POU6F2: variants seen among roughly 807,000 people sequenced by gnomAD.
POU6F2 encodes POU class 6 homeobox 2.
Under a neutral mutation model 71.3 loss-of-function variants are expected in POU6F2, and 31 were observed. The observed-to-expected ratio is 0.43, with a 90% CI of 0.33 to 0.59. The LOEUF (loss-of-function observed/expected upper bound fraction) is 0.59. Among genes scored for constraint, POU6F2 ranks in the 20% least tolerant of loss-of-function variants. The probability of loss-of-function intolerance (pLI) is 0.04; values close to 1 mark genes in which losing one functional copy is unlikely to be tolerated. For missense variants in POU6F2, 783 were observed against 856.8 expected (o/e 0.91, Z 1.07); for synonymous variants, 347 against 355.7 (o/e 0.98, Z 0.27).
At chr7:39,075,617 A>G (rs1171089186) in intron 1 of POU6F2, among the ~76,000 whole-genome samples, 2 of 152,212 alleles carry the variant, frequency 1.3e-5, no homozygotes, top group African/African-American at 4.8e-5. Flanking sequence ...TCACGCTTCT[A>G]ATACGCTGTG....
chr7:39,356,357 A>G (rs1356486137), intron 5 of POU6F2, among the ~76,000 whole-genome samples: 1 of 152,054 alleles, frequency 6.6e-6, no homozygotes, highest in Non-Finnish European at 1.5e-5. Flanking sequence ...CTTGCCTGGA[A>G]TGTCCCGTCT....
intron 2 of POU6F2, among the ~76,000 whole-genome samples, chr7:39,160,006 C>T (rs1259683127): frequency 6.6e-6 from 1 of 152,072 alleles, no homozygotes; most frequent in African/African-American, 2.4e-5. Context: ...GAGAGGGCCG[C>T]TATCTTGATT....
chr7:39,290,909 A>G (rs73130437), intron 4 of POU6F2, among the ~76,000 whole-genome samples: 17,832 of 151,978 alleles, frequency 0.12, 1,230 homozygotes, highest in East Asian at 0.17. Context: ...AGAAGATTAG[A>G]TGATTGATTC....
chr7:39,240,328 G>A (rs911681306), intron 4 of POU6F2, among the ~76,000 whole-genome samples: 2 of 152,106 alleles, frequency 1.3e-5, no homozygotes, highest in Admixed American at 1.3e-4. Flanking sequence ...TTATGGAAAG[G>A]GCAGTGGCTC....
At chr7:39,442,861 C>T (rs75687814) in intron 7 of POU6F2, among the ~76,000 whole-genome samples, 1 of 152,200 alleles carries the variant, frequency 6.6e-6, no homozygotes, top group African/African-American at 2.4e-5. Flanking sequence ...GTAGCTCTCA[C>T]TCTCACCTTG....
intron 2 of POU6F2, 98 bp from the exon 3 acceptor site, chr7:39,204,137 T>C (rs1793959743): frequency 9.5e-7 from 1 of 1,051,798 alleles, no homozygotes; most frequent in Non-Finnish European, 1.4e-6. Context: ...GAGATATTGA[T>C]AAACCACTCT....
At chr7:39,305,217 A>G (rs1278907774) in intron 4 of POU6F2, among the ~76,000 whole-genome samples, 1 of 152,250 alleles carries the variant, frequency 6.6e-6, no homozygotes, top group East Asian at 1.9e-4. Flanking sequence ...TTAAGAAGGT[A>G]TCATTTCCTC....
intron 5 of POU6F2, chr7:39,373,598 A>G (rs1786655814): frequency 2.2e-6 from 1 of 452,064 alleles, no homozygotes; most frequent in Admixed American, 2.4e-5. Flanking sequence ...TACCTAGTCT[A>G]GCTAACTGTA....
chr7:39,355,313 A>C (rs1405830748), intron 5 of POU6F2, among the ~76,000 whole-genome samples: 1 of 152,244 alleles, frequency 6.6e-6, no homozygotes, highest in Non-Finnish European at 1.5e-5. Flanking sequence ...ATGCCAGAGC[A>C]CAGAAAGGCT....
intron 4 of POU6F2, among the ~76,000 whole-genome samples, chr7:39,259,249 C>T (rs953687241): frequency 3.3e-5 from 5 of 152,000 alleles, no homozygotes; most frequent in African/African-American, 1.2e-4. Context: ...TGTTCTCTAT[C>T]GAGAAAAAAA....
intron 1 of POU6F2, among the ~76,000 whole-genome samples, chr7:39,015,401 T>C (rs77081298): frequency 0.34 from 40,373 of 118,724 alleles, 7,053 homozygotes; most frequent in East Asian, 0.71. Context: ...ATATATATTA[T>C]ATGTAAATTA....
intron 4 of POU6F2, among the ~76,000 whole-genome samples, chr7:39,317,103 C>G (rs12671242): frequency 0.68 from 103,489 of 152,078 alleles, 35,259 homozygotes; most frequent in Admixed American, 0.77. Flanking sequence ...GCAGGAATTT[C>G]TTTTTCTCAA....
Position 39,440,830 on chromosome 7 carries a change from A to C in POU6F2, c.1320+7547A>C, listed in dbSNP as rs530713048. On this transcript the variant is annotated intron_variant, in intron 7 of 9. Transcript: ENST00000518318. ...CATCTTTGTGAGTTTGTCTAGTTTC[A>C]GTCTTTGAGGCTGCTGATCGTTGGA... 1.5e-4 allele frequency among the ~76,000 whole-genome samples: 23 copies of C among 152,084 alleles called. No homozygotes were observed. In the South Asian group the frequency reaches 4.8e-3, roughly 32 times the overall value.
intron 4 of POU6F2, among the ~76,000 whole-genome samples, chr7:39,307,379 A>C (rs1180658204): frequency 6.6e-6 from 1 of 152,232 alleles, no homozygotes; most frequent in Non-Finnish European, 1.5e-5. Flanking sequence ...ACAAATGTAA[A>C]AGTTAGAAAG....
At chr7:39,094,267 C>G in intron 2 of POU6F2, among the ~76,000 whole-genome samples, 1 of 152,026 alleles carries the variant, frequency 6.6e-6, no homozygotes, top group Non-Finnish European at 1.5e-5. Flanking sequence ...GGTTTTTGGA[C>G]AACTTGACTT....
intron 4 of POU6F2, among the ~76,000 whole-genome samples, chr7:39,320,901 A>G (rs1785375937): frequency 6.6e-6 from 1 of 152,064 alleles, no homozygotes; most frequent in African/African-American, 2.4e-5. Context: ...CCAAAAATTT[A>G]AAAAATTAGC....
intron 4 of POU6F2, among the ~76,000 whole-genome samples, chr7:39,260,038 A>G (rs539698344): frequency 6.6e-6 from 1 of 151,008 alleles, no homozygotes; most frequent in South Asian, 2.1e-4. Flanking sequence ...CACACATACA[A>G]TACCACGTAC....
chr7:39,407,055 T>C (rs1365940504), intron 6 of POU6F2, among the ~76,000 whole-genome samples: 1 of 152,146 alleles, frequency 6.6e-6, no homozygotes, highest in Non-Finnish European at 1.5e-5. Context: ...AAAAGTTACA[T>C]CTTAAAAATA....
chr7:39,047,096 A>G (rs1790305973), intron 1 of POU6F2, among the ~76,000 whole-genome samples: 1 of 151,902 alleles, frequency 6.6e-6, no homozygotes, highest in Non-Finnish European at 1.5e-5. Context: ...TGCCTTGATT[A>G]CTGTAGCTTT....
Sources: gnomAD v4.1 joint callset for allele counts (sites outside exome capture counted in the v4.1 genomes callset) on GRCh38, gnomAD v4.1.1 for gene constraint, MANE v1.5 for transcripts, NCBI Gene and HGNC (gene_info 2026-07-23, HGNC 2026-07-21) for gene names.